The following SCAPER variants were observed in gnomAD, a reference collection of about 807,000 sequenced individuals.
The protein encoded by SCAPER is S phase cyclin A-associated protein in the endoplasmic reticulum.
In SCAPER, 98 loss-of-function variants were observed where a neutral mutation model predicts 182.2. The ratio of observed to expected loss-of-function variants is 0.54; its 90% CI spans 0.46 to 0.64. The LOEUF is 0.64. Among genes scored for constraint, SCAPER ranks in the 30% least tolerant of loss-of-function variants. The pLI is 0.00. For missense variants in SCAPER, 1,432 were observed against 1,690.0 expected (o/e 0.85, Z 2.68); for synonymous variants, 605 against 564.6 (o/e 1.07, Z -1.01).
chr15:76,374,464 A>C (rs1481150662), intron 29 of SCAPER, among the ~76,000 whole-genome samples: 1 of 151,486 alleles, frequency 6.6e-6, no homozygotes, highest in Non-Finnish European at 1.5e-5. Flanking sequence ...CAATCTATAC[A>C]ATTAAGGTTG....
At chr15:76,428,224 T>C (rs2046578940) in intron 26 of SCAPER, among the ~76,000 whole-genome samples, 1 of 152,154 alleles carries the variant, frequency 6.6e-6, no homozygotes, top group African/African-American at 2.4e-5. Flanking sequence ...GAAATAGAAC[T>C]ACTGTATGAT....
At chr15:76,600,971 A>G (rs1472421012) in intron 22 of SCAPER, among the ~76,000 whole-genome samples, 1 of 121,868 alleles carries the variant, frequency 8.2e-6, no homozygotes, top group African/African-American at 2.5e-5. Context: ...ACAACCTCTG[A>G]AAAGTTTACT....
At chr15:76,514,477 G>A (rs372853355) in intron 23 of SCAPER, among the ~76,000 whole-genome samples, 1 of 152,230 alleles carries the variant, frequency 6.6e-6, no homozygotes, top group East Asian at 1.9e-4. Flanking sequence ...CAAAGAAGAG[G>A]CAGCTGTTAA....
chr15:76,872,259 G>C (rs2072781323), intron 2 of SCAPER, among the ~76,000 whole-genome samples: 1 of 152,002 alleles, frequency 6.6e-6, no homozygotes, highest in African/African-American at 2.4e-5. Context: ...TTGAAGGAAA[G>C]AACAGAGAAA....
At position 76,548,237 on chromosome 15, in the gene SCAPER, G is replaced by T. The variant is rs2045462814; in HGVS notation, c.2838+25921C>A. Among the ~76,000 whole-genome samples, 5 of 152,204 alleles carry T rather than the reference G, an allele frequency of 3.3e-5. No individual in the cohort carries two copies. The South Asian group carries it at 1.0e-3, about 32-fold the overall frequency. On this transcript the variant is annotated intron_variant, in intron 23 of 31. Transcript: ENST00000563290. The stretch of plus-strand genomic sequence containing the variant: ...TGAAAATAAAATATAAAAACTGTTT[G>T]TGGAGTTACTTCTAAACAGAACATT...
At chr15:76,665,625 CT>C in intron 21 of SCAPER, 27 bp downstream of exon 21, 2 of 1,555,486 alleles carry the variant, frequency 1.3e-6, no homozygotes, top group Non-Finnish European at 1.7e-6. Context: ...AAAAGTTTTT[CT>C]TTTGCTTTTA....
intron 23 of SCAPER, among the ~76,000 whole-genome samples, chr15:76,535,371 A>T (rs1420799568): frequency 6.6e-6 from 1 of 151,188 alleles, no homozygotes; most frequent in East Asian, 2.0e-4. Flanking sequence ...AAAAAACAAA[A>T]ATTAGCCAGG....
Position 76,883,805 on chromosome 15 carries a change from C to T in SCAPER, c.6+7G>A. 6.5e-7 allele frequency: 1 copy of T among 1,529,600 alleles called. No individual in the cohort carries two copies. The highest frequency in any genetic ancestry group is 8.8e-7 in the Non-Finnish European group (1 of 1,133,592). The allele number at this position is 1,529,600 out of a possible 1,614,324, so 94.8% of individuals were successfully genotyped here. ...AAACTAAGGCTAGTCTTTAAGATAT[C>T]ACTTACCATCATTCTTTAAATTCTC... On this transcript the variant is annotated splice_region_variant and intron_variant, in intron 2 of 31. Transcript: ENST00000563290.
chr15:76,420,558 A>G (rs533177611), intron 26 of SCAPER, among the ~76,000 whole-genome samples: 1 of 152,324 alleles, frequency 6.6e-6, no homozygotes, highest in African/African-American at 2.4e-5. Context: ...AGTAATAATA[A>G]AAATAAGATA....
intron 27 of SCAPER, among the ~76,000 whole-genome samples, chr15:76,394,064 G>A (rs761055086): frequency 2.6e-5 from 4 of 152,208 alleles, no homozygotes; most frequent in Non-Finnish European, 5.9e-5. Context: ...CTAAATTTTA[G>A]GGTAATTTGT....
intron 4 of SCAPER, among the ~76,000 whole-genome samples, chr15:76,846,371 C>T (rs1462719388): frequency 6.6e-6 from 1 of 151,446 alleles, no homozygotes; most frequent in Admixed American, 6.6e-5. Context: ...AAAAAAAAAA[C>T]TTCTGCACAG....
In SCAPER at chr15:76,645,272, T is replaced by A. The variant is rs62026896; in HGVS notation, c.2645+20381A>T. 5.3e-5 allele frequency among the ~76,000 whole-genome samples: 8 copies of A among 152,258 alleles called. No homozygotes were observed. In the East Asian group the frequency reaches 1.5e-3, roughly 29 times the overall value. ...GAACCAAATGAGGGATGACTATATA[T>A]AAAATGTGTGATTTATCCATTTTCA... On this transcript the variant is annotated intron_variant, in intron 21 of 31. Transcript: ENST00000563290.
At chr15:76,876,866 G>A (rs1057422913) in intron 2 of SCAPER, among the ~76,000 whole-genome samples, 18 of 152,162 alleles carry the variant, frequency 1.2e-4, no homozygotes, top group African/African-American at 4.1e-4. Flanking sequence ...AATAAAACAG[G>A]GAAATTACGA....
chr15:76,641,480 C>T (rs1311550744), intron 21 of SCAPER, among the ~76,000 whole-genome samples: 2 of 152,068 alleles, frequency 1.3e-5, no homozygotes, highest in Non-Finnish European at 2.9e-5. Flanking sequence ...ACCCCCTGGA[C>T]CCAGCTTTCA....
At position 76,537,161 on chromosome 15, in the gene SCAPER, C is replaced by T. The variant is rs562583831; in HGVS notation, c.2839-32187G>A. On this transcript the variant is annotated intron_variant, in intron 23 of 31. Transcript: ENST00000563290. ...TACTGCCCAAGGTAATTTATAGATT[C>T]AATGCCATCCCCATCAAGCTACCGA... 7.9e-5 allele frequency among the ~76,000 whole-genome samples: 12 copies of T among 151,318 alleles called. No homozygotes were observed. The South Asian group carries it at 1.5e-3, about 19-fold the overall frequency.
At chr15:76,526,790 A>T (rs2043230746) in intron 23 of SCAPER, among the ~76,000 whole-genome samples, 1 of 151,206 alleles carries the variant, frequency 6.6e-6, no homozygotes, top group Admixed American at 6.6e-5. Context: ...TTTCATACTT[A>T]CCTGTTGTTT....
chr15:76,648,450 G>A (rs1305595876), intron 21 of SCAPER, among the ~76,000 whole-genome samples: 2 of 152,062 alleles, frequency 1.3e-5, no homozygotes, highest in East Asian at 3.8e-4. Context: ...ATAGACTGAG[G>A]CAGAAAAAAC....
intron 17 of SCAPER, among the ~76,000 whole-genome samples, chr15:76,721,259 G>A: frequency 6.6e-6 from 1 of 152,046 alleles, no homozygotes; most frequent in Non-Finnish European, 1.5e-5. Context: ...TATTTCTGAG[G>A]GCTCTGTTCT....
At chr15:76,443,504 T>C (rs2047768740) in intron 25 of SCAPER, among the ~76,000 whole-genome samples, 1 of 152,186 alleles carries the variant, frequency 6.6e-6, no homozygotes, top group South Asian at 2.1e-4. Flanking sequence ...TACAAATGGA[T>C]AACTTGTTTT....
Sources: allele counts gnomAD v4.1 joint callset (sites outside exome capture counted in the v4.1 genomes callset), GRCh38; gene constraint gnomAD v4.1.1; transcripts MANE v1.5; gene names NCBI Gene and HGNC (gene_info 2026-07-23, HGNC 2026-07-21).